Variants in NCKAP5 observed in about 807,000 individuals in gnomAD.
The protein encoded by NCKAP5 is NCK associated protein 5.
A neutral mutation model predicts 167.0 loss-of-function variants in NCKAP5; 92 were observed. The observed-to-expected ratio is 0.55, with a 90% CI of 0.47 to 0.66. NCKAP5 has a LOEUF of 0.66. Ranked by LOEUF, NCKAP5 falls within the 30% of genes least tolerant of loss-of-function variation. The pLI is 0.00. For missense variants in NCKAP5, 2,378 were observed against 2,315.0 expected, an observed-to-expected ratio of 1.03 and a Z score of -0.56; for synonymous variants, 891 against 877.4, an observed-to-expected ratio of 1.02 and a Z score of -0.27.
intron 5 of NCKAP5, among the ~76,000 whole-genome samples, chr2:133,205,232 G>A (rs575244082): frequency 2.6e-5 from 4 of 152,048 alleles, no homozygotes; most frequent in Non-Finnish European, 5.9e-5. Flanking sequence ...GGCAGAAGTT[G>A]CAATGGGCCA....
intron 6 of NCKAP5, among the ~76,000 whole-genome samples, chr2:133,067,385 G>T (rs916613639): frequency 6.6e-6 from 1 of 152,146 alleles, no homozygotes; most frequent in Non-Finnish European, 1.5e-5. Flanking sequence ...CAAGAAAATA[G>T]GCAACTAAAA....
the NCKAP5 span, among the ~76,000 whole-genome samples, chr2:133,622,693 T>C: frequency 1.3e-5 from 2 of 152,192 alleles, no homozygotes; most frequent in African/African-American, 4.8e-5. Context: ...TCCATGCTCA[T>C]GGATGGGTAG....
the NCKAP5 span, among the ~76,000 whole-genome samples, chr2:133,661,281 A>C: frequency 6.6e-6 from 1 of 152,206 alleles, no homozygotes; most frequent in East Asian, 1.9e-4. Flanking sequence ...AAATTTGATC[A>C]ACTAGGAACC....
chr2:132,972,144 C>G (rs2076853854), intron 7 of NCKAP5, among the ~76,000 whole-genome samples: 1 of 152,132 alleles, frequency 6.6e-6, no homozygotes, highest in African/African-American at 2.4e-5. Context: ...ACCAAACAAG[C>G]TGATACACAT....
intron 16 of NCKAP5, among the ~76,000 whole-genome samples, chr2:132,768,983 C>T (rs1293332588): frequency 2.0e-4 from 28 of 137,262 alleles, no homozygotes; most frequent in African/African-American, 6.6e-4. Context: ...CTTGCTCTGT[C>T]GCCTGGGCTG....
At chr2:133,149,296 A>G (rs2083303237) in intron 5 of NCKAP5, among the ~76,000 whole-genome samples, 1 of 152,144 alleles carries the variant, frequency 6.6e-6, no homozygotes, top group African/African-American at 2.4e-5. Flanking sequence ...ATATTTTTAC[A>G]TTCTCTTTAA....
the NCKAP5 span, among the ~76,000 whole-genome samples, chr2:133,658,304 T>C: frequency 3.1e-4 from 47 of 152,306 alleles, no homozygotes; most frequent in Middle Eastern, 0.01. Context: ...TCCTGTAAGC[T>C]TGTATTTAAG....
intron 19 of NCKAP5, among the ~76,000 whole-genome samples, chr2:132,705,497 A>G (rs1003383974): frequency 3.9e-5 from 6 of 152,174 alleles, no homozygotes; most frequent in Admixed American, 3.9e-4. Flanking sequence ...TTGACCTATC[A>G]GTGTCATTTG....
chr2:133,430,563 AG>A (rs1690094001), intron 3 of NCKAP5, among the ~76,000 whole-genome samples: 2 of 152,132 alleles, frequency 1.3e-5, no homozygotes, highest in South Asian at 4.1e-4. Flanking sequence ...GATGAGAGGT[AG>A]GGGTCCAGTT....
At chr2:133,589,343 G>T in the NCKAP5 span, among the ~76,000 whole-genome samples, 1 of 152,162 alleles carries the variant, frequency 6.6e-6, no homozygotes, top group Non-Finnish European at 1.5e-5. Context: ...TTTTACCTGA[G>T]AAATTGGAAA....
chr2:133,271,840 C>T (rs1341603541), intron 4 of NCKAP5, among the ~76,000 whole-genome samples: 1 of 152,034 alleles, frequency 6.6e-6, no homozygotes, highest in African/African-American at 2.4e-5. Context: ...AGAAAGTAGT[C>T]CTTATTTTTA....
intron 16 of NCKAP5, among the ~76,000 whole-genome samples, chr2:132,770,683 A>T (rs1681964362): frequency 6.6e-6 from 1 of 152,140 alleles, no homozygotes; most frequent in African/African-American, 2.4e-5. Context: ...AACACTGATG[A>T]GGGAAACATT....
chr2:132,996,617 G>A lies in NCKAP5; in HGVS notation c.342-2378C>T, dbSNP rs530214607. 2.6e-5 allele frequency among the ~76,000 whole-genome samples: 4 copies of A among 152,146 alleles called. No homozygotes were observed. The South Asian group carries it at 8.3e-4, about 32-fold the overall frequency. ...TCACTTAAAAATCCTTCACTTTAAT[G>A]CTCAAATATTTTGTATATGCAGGTC... On this transcript the variant is annotated intron_variant, in intron 6 of 19. Coordinates refer to ENST00000409261, the MANE Select transcript of NCKAP5 (RefSeq NM_207363.3).
the NCKAP5 span, among the ~76,000 whole-genome samples, chr2:133,613,533 G>C: frequency 6.6e-6 from 1 of 152,162 alleles, no homozygotes; most frequent in African/African-American, 2.4e-5. Context: ...TTTCACATTA[G>C]CTTGAAAATA....
the NCKAP5 span, among the ~76,000 whole-genome samples, chr2:133,665,921 T>C: frequency 6.6e-6 from 1 of 152,198 alleles, no homozygotes; most frequent in Non-Finnish European, 1.5e-5. Flanking sequence ...AATGGTGATT[T>C]GGTGAATGCT....
At chr2:132,757,775 G>A (rs1680670944) in intron 16 of NCKAP5, among the ~76,000 whole-genome samples, 1 of 152,226 alleles carries the variant, frequency 6.6e-6, no homozygotes, top group Admixed American at 6.5e-5. Context: ...TAAGGAAACA[G>A]CTTGTTGAAA....
intron 3 of NCKAP5, among the ~76,000 whole-genome samples, chr2:133,463,732 G>A (rs1042034400): frequency 1.3e-5 from 2 of 152,188 alleles, no homozygotes; most frequent in Admixed American, 6.5e-5. Flanking sequence ...CAAATGAAGT[G>A]TTTGCTTTGC....
intron 11 of NCKAP5, among the ~76,000 whole-genome samples, chr2:132,835,302 G>A (rs552514567): frequency 1.9e-4 from 29 of 152,156 alleles, no homozygotes; most frequent in Middle Eastern, 3.4e-3. Flanking sequence ...CTTCTCGTCT[G>A]GTTTTGGTAT....
intron 8 of NCKAP5, among the ~76,000 whole-genome samples, chr2:132,947,555 C>G (rs1368086028): frequency 6.6e-6 from 1 of 152,092 alleles, no homozygotes; most frequent in Non-Finnish European, 1.5e-5. Context: ...CTTATCATCC[C>G]TTTAGCAGGG....
Sources: allele counts gnomAD v4.1 joint callset (sites outside exome capture counted in the v4.1 genomes callset), GRCh38; gene constraint gnomAD v4.1.1; transcripts MANE v1.5; gene names NCBI Gene and HGNC (gene_info 2026-07-23, HGNC 2026-07-21).